Variants in ZSCAN25 observed in about 807,000 individuals in gnomAD.
The protein encoded by ZSCAN25 is zinc finger and SCAN domain containing 25.
Under a neutral mutation model 38.7 loss-of-function variants are expected in ZSCAN25, and 27 were observed. That is an observed-to-expected ratio of 0.70 (90% confidence interval 0.51 to 0.96). The LOEUF (loss-of-function observed/expected upper bound fraction) is 0.96, where lower values mean the gene tolerates loss of function less well. ZSCAN25 is among the 40% of genes least tolerant of loss of function. ZSCAN25 has a pLI of 0.00. For missense variants in ZSCAN25, 637 were observed against 705.9 expected, an observed-to-expected ratio of 0.90 and a Z score of 1.11; for synonymous variants, 273 against 277.7, an observed-to-expected ratio of 0.98 and a Z score of 0.17.
Position 99,622,633 on chromosome 7 carries a change from G to A in ZSCAN25, c.674G>A (p.Gly225Glu). 1 of 1,614,070 alleles carries A rather than the reference G, an allele frequency of 6.2e-7. No homozygotes were observed. Among genetic ancestry groups the A allele is most frequent in the Non-Finnish European group, 8.5e-7 (1 of 1,179,954 alleles). The change falls in exon 6 of 8, where the codon GGA (glycine) becomes GAA (glutamate). Residue 225 changes from glycine (G) to glutamate (E), a missense_variant. Transcript: ENST00000394152. The part of the protein sequence containing the change: ...QEMAAGFFTA[G>E]SQGLGPFKDM... ...ATGGCAGCTGGGTTCTTTACTGCTG[G>A]ATCGCAGGTGAGCTCTGACTCCCTT...
chr7:99,632,044 T>C lies in ZSCAN25; in HGVS notation c.*2024T>C. On this transcript the variant is annotated 3_prime_UTR_variant, in exon 8 of 8. Transcript: ENST00000394152. ...GGAGGCCTCGGGGGGCTGCTTGTCA[T>C]TACCTGAATCACAGATGCTCTTTTG... 2 of 985,492 alleles carry C rather than the reference T, an allele frequency of 2.0e-6. No individual in the cohort carries two copies. The highest frequency in any genetic ancestry group is 1.2e-6 in the Non-Finnish European group (1 of 829,972). 61.0% of individuals were successfully genotyped at this position (985,492 alleles called of 1,614,324 possible). A position where few individuals can be genotyped will look rare whatever the true frequency, so the allele number is the denominator to read the frequency against.
the ZSCAN25 span, among the ~76,000 whole-genome samples, chr7:99,731,676 C>T: frequency 1.7e-4 from 26 of 152,328 alleles, no homozygotes; most frequent in East Asian, 5.8e-4. Context: ...TAAGCTTTCC[C>T]TTCACTCTAA....
the ZSCAN25 span, chr7:99,679,821 C>T: frequency 8.0e-4 from 1,283 of 1,613,666 alleles, 1 homozygote; most frequent in Non-Finnish European, 8.9e-4. Flanking sequence ...TGGACAGTTA[C>T]TCACAGATAG....
downstream of ZSCAN25, among the ~76,000 whole-genome samples, chr7:99,635,118 GC>G (rs1808218797): frequency 6.6e-6 from 1 of 150,564 alleles, no homozygotes; most frequent in South Asian, 2.1e-4. Flanking sequence ...AACATTTTGT[GC>G]CAGATAATTC....
At chr7:99,716,047 C>G in the ZSCAN25 span, 1 of 1,523,840 alleles carries the variant, frequency 6.6e-7, no homozygotes, top group Non-Finnish European at 9.0e-7. Context: ...GAGCATCTCC[C>G]ATCACACTCC....
At chr7:99,672,494 AC>A in the ZSCAN25 span, 3 of 1,187,014 alleles carry the variant, frequency 2.5e-6, no homozygotes, top group African/African-American at 4.5e-5. Flanking sequence ...TTTTTAGGTA[AC>A]CTTCTGTGAA....
chr7:99,633,234 G>GTAAAC (rs373936966), downstream of ZSCAN25, among the ~76,000 whole-genome samples: 568 of 152,310 alleles, frequency 3.7e-3, 2 homozygotes, highest in African/African-American at 0.013. Flanking sequence ...AAATGTAGAA[G>GTAAAC]TGTTTAGTGG....
rs775804497 is a variant in ZSCAN25 at position 99,631,865 on chromosome 7, A to G, written c.*1845A>G. On this transcript the variant is annotated 3_prime_UTR_variant, in exon 8 of 8. Coordinates refer to ENST00000394152, the MANE Select transcript of ZSCAN25 (RefSeq NM_145115.3). The stretch of plus-strand genomic sequence containing the variant: ...CACGGGGCTGCTGCTGCTCCTCTGT[A>G]ATACTGAGGTCCACATGCAAAATCA... 4.6e-5 allele frequency: 45 copies of G among 985,346 alleles called. No homozygotes were observed. The highest frequency in any genetic ancestry group is 5.3e-5 in the Non-Finnish European group (44 of 829,984). 61.0% of individuals were successfully genotyped at this position (985,346 alleles called of 1,614,324 possible).
At chr7:99,652,595 T>C in the ZSCAN25 span, 3 of 1,613,900 alleles carry the variant, frequency 1.9e-6, no homozygotes, top group Non-Finnish European at 2.5e-6. Flanking sequence ...GTACTTTGGG[T>C]CATGGTGAAG....
chr7:99,692,447 G>T, the ZSCAN25 span, among the ~76,000 whole-genome samples: 4 of 152,188 alleles, frequency 2.6e-5, no homozygotes, highest in African/African-American at 9.7e-5. Flanking sequence ...GGCCTGCTTT[G>T]CTAGTTTGGG....
chr7:99,666,563 A>G, the ZSCAN25 span: 1 of 1,602,220 alleles, frequency 6.2e-7, no homozygotes, highest in Non-Finnish European at 8.5e-7. Context: ...GGAAGGGCTC[A>G]TGACAGCTCA....
the ZSCAN25 span, among the ~76,000 whole-genome samples, chr7:99,731,509 C>T: frequency 3.9e-5 from 6 of 152,128 alleles, no homozygotes; most frequent in African/African-American, 7.2e-5. Flanking sequence ...TGGACTCTTC[C>T]CTGATTTTGG....
At chr7:99,723,764 C>T in the ZSCAN25 span, among the ~76,000 whole-genome samples, 1 of 152,188 alleles carries the variant, frequency 6.6e-6, no homozygotes, top group African/African-American at 2.4e-5. Context: ...TATCCCTCCA[C>T]CCTTCAATCT....
At chr7:99,625,617 G>A (rs550005008) in intron 7 of ZSCAN25, among the ~76,000 whole-genome samples, 1 of 152,286 alleles carries the variant, frequency 6.6e-6, no homozygotes, top group African/African-American at 2.4e-5. Context: ...AACAAAGCAG[G>A]GGCTCGAGTG....
At chr7:99,695,838 A>G in the ZSCAN25 span, 7 of 1,613,288 alleles carry the variant, frequency 4.3e-6, no homozygotes, top group East Asian at 2.2e-5. Context: ...TGGGCTCCAT[A>G]TCTACAAACT....
At chr7:99,691,972 G>T in the ZSCAN25 span, among the ~76,000 whole-genome samples, 20 of 152,186 alleles carry the variant, frequency 1.3e-4, no homozygotes, top group African/African-American at 4.8e-4. Context: ...ATTAATTGAT[G>T]CAGTTTCTTC....
chr7:99,670,332 A>G, the ZSCAN25 span, among the ~76,000 whole-genome samples: 2 of 152,228 alleles, frequency 1.3e-5, no homozygotes, highest in African/African-American at 2.4e-5. Flanking sequence ...GTTTCAAACC[A>G]TAACAGCATT....
intron 6 of ZSCAN25, among the ~76,000 whole-genome samples, chr7:99,623,543 G>A (rs1807187876): frequency 6.6e-6 from 1 of 152,188 alleles, no homozygotes; most frequent in African/African-American, 2.4e-5. Context: ...AGGGGATCAA[G>A]TCTGGTCCTG....
the ZSCAN25 span, among the ~76,000 whole-genome samples, chr7:99,687,869 A>T: frequency 6.6e-6 from 1 of 152,238 alleles, no homozygotes; most frequent in Admixed American, 6.5e-5. Flanking sequence ...CCAATATTCA[A>T]CATTCTTAAG....
Sources: gnomAD v4.1 joint callset for allele counts (sites outside exome capture counted in the v4.1 genomes callset) on GRCh38, gnomAD v4.1.1 for gene constraint, MANE v1.5 for transcripts, NCBI Gene and HGNC (gene_info 2026-07-23, HGNC 2026-07-21) for gene names.